ARHGAP24: variants seen among roughly 807,000 people sequenced by gnomAD.
The protein encoded by ARHGAP24 is Rho GTPase activating protein 24, also known as rho GTPase-activating protein 24.
Under a neutral mutation model 76.4 loss-of-function variants are expected in ARHGAP24, and 50 were observed. That is an observed-to-expected ratio of 0.65 (90% CI 0.52 to 0.83). The LOEUF (loss-of-function observed/expected upper bound fraction) is 0.83. Ranked by LOEUF, ARHGAP24 falls within the 40% of genes least tolerant of loss-of-function variation. The pLI is 0.00. For synonymous variants in ARHGAP24, 345 were observed against 323.3 expected (o/e 1.07, Z -0.72); for missense variants, 930 against 914.2 (o/e 1.02, Z -0.22).
intron 2 of ARHGAP24, among the ~76,000 whole-genome samples, chr4:85,577,240 T>A (rs939314881): frequency 4.7e-5 from 7 of 149,092 alleles, no homozygotes; most frequent in South Asian, 2.1e-4. Context: ...GAAAAAAAAA[T>A]ATATATATAA....
chr4:85,581,349 A>T (rs537580406), intron 2 of ARHGAP24, among the ~76,000 whole-genome samples: 6 of 152,284 alleles, frequency 3.9e-5, no homozygotes, highest in African/African-American at 1.4e-4. Context: ...CATCTTTGTG[A>T]ACCTGAATTT....
chr4:85,651,566 A>G (rs1721943736), intron 2 of ARHGAP24, among the ~76,000 whole-genome samples: 1 of 148,606 alleles, frequency 6.7e-6, no homozygotes, highest in Non-Finnish European at 1.5e-5. Context: ...AATATTTAAT[A>G]ATTTTAAAGG....
At chr4:85,714,862 A>G (rs1052694698) in intron 2 of ARHGAP24, among the ~76,000 whole-genome samples, 1 of 152,126 alleles carries the variant, frequency 6.6e-6, no homozygotes, top group South Asian at 2.1e-4. Context: ...AACTTCCCCA[A>G]ACTGCTTTAA....
At chr4:85,677,266 T>C (rs1217796386) in intron 2 of ARHGAP24, among the ~76,000 whole-genome samples, 1 of 152,212 alleles carries the variant, frequency 6.6e-6, no homozygotes, top group African/African-American at 2.4e-5. Context: ...TATGTTTATG[T>C]ACAGAAATTT....
chr4:85,824,804 T>C (rs1054627442), intron 3 of ARHGAP24, among the ~76,000 whole-genome samples: 9 of 152,142 alleles, frequency 5.9e-5, no homozygotes, highest in African/African-American at 2.2e-4. Flanking sequence ...AGAAACTAAA[T>C]ACCCGGCCAG....
At chr4:85,509,820 A>G (rs967080268) in intron 1 of ARHGAP24, among the ~76,000 whole-genome samples, 12 of 152,078 alleles carry the variant, frequency 7.9e-5, no homozygotes, top group African/African-American at 2.9e-4. Context: ...TATATTTATA[A>G]TATGTAATAT....
chr4:85,914,165 C>G (rs563097607), intron 3 of ARHGAP24, among the ~76,000 whole-genome samples: 13 of 152,148 alleles, frequency 8.5e-5, no homozygotes, highest in Admixed American at 2.6e-4. Flanking sequence ...GTTATATGAT[C>G]CATAGCTTTA....
At chr4:85,889,287 C>T (rs1733746793) in intron 3 of ARHGAP24, among the ~76,000 whole-genome samples, 1 of 152,072 alleles carries the variant, frequency 6.6e-6, no homozygotes, top group African/African-American at 2.4e-5. Flanking sequence ...TTGGTAATGT[C>T]CGGCAAGATA....
At chr4:85,512,100 T>A (rs553398179) in intron 1 of ARHGAP24, among the ~76,000 whole-genome samples, 1 of 152,284 alleles carries the variant, frequency 6.6e-6, no homozygotes, top group South Asian at 2.1e-4. Context: ...TCTGAGGTAG[T>A]GGGGGTCAGG....
chr4:85,691,278 T>C (rs2110017888), intron 2 of ARHGAP24, among the ~76,000 whole-genome samples: 1 of 152,296 alleles, frequency 6.6e-6, no homozygotes, highest in Admixed American at 6.5e-5. Flanking sequence ...ATTTGATCAG[T>C]CTTAGAATAT....
chr4:85,587,472 T>C (rs1325351447), intron 2 of ARHGAP24, among the ~76,000 whole-genome samples: 2 of 152,328 alleles, frequency 1.3e-5, no homozygotes, highest in African/African-American at 2.4e-5. Context: ...GATTTTAACA[T>C]GTAATGATGT....
At chr4:85,660,735 G>A (rs1191825345) in intron 2 of ARHGAP24, among the ~76,000 whole-genome samples, 1 of 138,374 alleles carries the variant, frequency 7.2e-6, no homozygotes, top group Non-Finnish European at 1.5e-5. Context: ...GTAGGAGGTT[G>A]CAGTGAGCTG....
At chr4:85,591,203 G>C (rs914494434) in intron 2 of ARHGAP24, among the ~76,000 whole-genome samples, 11 of 151,868 alleles carry the variant, frequency 7.2e-5, no homozygotes, top group African/African-American at 2.7e-4. Context: ...GCGCCACCAT[G>C]CCTGGCTAAT....
intron 2 of ARHGAP24, among the ~76,000 whole-genome samples, chr4:85,696,928 A>G (rs12648692): frequency 0.14 from 20,750 of 152,204 alleles, 1,853 homozygotes; most frequent in East Asian, 0.33. Context: ...ATTGAAAGGG[A>G]TGAGTAATGA....
intron 3 of ARHGAP24, among the ~76,000 whole-genome samples, chr4:85,808,578 C>A (rs1386839744): frequency 6.6e-6 from 1 of 152,156 alleles, no homozygotes; most frequent in East Asian, 1.9e-4. Context: ...TACAGTATTA[C>A]CTCCACTCTA....
intron 4 of ARHGAP24, among the ~76,000 whole-genome samples, chr4:85,941,629 T>A (rs771301213): frequency 1.6e-4 from 25 of 152,222 alleles, no homozygotes; most frequent in Admixed American, 4.6e-4. Context: ...AAAAAAGAAA[T>A]AGGATTTAAA....
At chr4:85,820,638 T>TA (rs891145688) in intron 3 of ARHGAP24, among the ~76,000 whole-genome samples, 11 of 152,186 alleles carry the variant, frequency 7.2e-5, no homozygotes, top group African/African-American at 2.7e-4. Context: ...AAGTAAAAGT[T>TA]AAAAAATACA....
intron 3 of ARHGAP24, among the ~76,000 whole-genome samples, chr4:85,769,641 T>A (rs1360053580): frequency 6.6e-6 from 1 of 152,072 alleles, no homozygotes; most frequent in Admixed American, 6.6e-5. Context: ...TCCTTTCTTT[T>A]CTTTTTTCTT....
intron 3 of ARHGAP24, among the ~76,000 whole-genome samples, chr4:85,806,482 G>C (rs1178247379): frequency 6.6e-6 from 1 of 152,044 alleles, no homozygotes. Context: ...TACTTCTAAG[G>C]GCATTTGAGA....
Sources: allele counts gnomAD v4.1 joint callset (sites outside exome capture counted in the v4.1 genomes callset), GRCh38; gene constraint gnomAD v4.1.1; transcripts MANE v1.5; gene names NCBI Gene and HGNC (gene_info 2026-07-23, HGNC 2026-07-21).